The following AGMO variants were observed in gnomAD, a reference collection of about 807,000 sequenced individuals.
AGMO encodes the protein alkylglycerol monooxygenase.
AGMO carries 75 observed loss-of-function variants against 60.2 expected under a neutral mutation model. That is an observed-to-expected ratio of 1.25 (90% CI 1.03 to 1.51). The LOEUF (loss-of-function observed/expected upper bound fraction) is 1.51, where lower values mean the gene tolerates loss of function less well. AGMO is among the 40% of genes most tolerant of loss of function. The pLI, the probability that AGMO is intolerant of heterozygous loss-of-function variation, is 0.00. For missense variants in AGMO, 763 were observed against 525.5 expected, an observed-to-expected ratio of 1.45 and a Z score of -4.42; for synonymous variants, 261 against 177.1, an observed-to-expected ratio of 1.47 and a Z score of -3.76.
At chr7:15,171,224 A>G in the AGMO span, among the ~76,000 whole-genome samples, 2 of 152,006 alleles carry the variant, frequency 1.3e-5, no homozygotes, top group African/African-American at 2.4e-5. Flanking sequence ...CTCGTGATCC[A>G]CCTGCCTCAG....
intron 12 of AGMO, among the ~76,000 whole-genome samples, chr7:15,345,833 C>T (rs1368433499): frequency 6.6e-6 from 1 of 152,126 alleles, no homozygotes; most frequent in Non-Finnish European, 1.5e-5. Context: ...AGTCCTGACC[C>T]TCTATTCCTC....
At chr7:15,417,905 A>G (rs1350508794) in intron 5 of AGMO, among the ~76,000 whole-genome samples, 1 of 152,188 alleles carries the variant, frequency 6.6e-6, no homozygotes, top group Non-Finnish European at 1.5e-5. Flanking sequence ...GAATTTTTCT[A>G]GGTCTGTGAT....
chr7:15,376,670 T>A (rs1248696423), intron 10 of AGMO, among the ~76,000 whole-genome samples: 1 of 152,100 alleles, frequency 6.6e-6, no homozygotes, highest in African/African-American at 2.4e-5. Context: ...AAAAGAAGCA[T>A]TGCCTTTTCA....
At chr7:15,334,558 T>G (rs1490791474) in intron 12 of AGMO, among the ~76,000 whole-genome samples, 1 of 152,130 alleles carries the variant, frequency 6.6e-6, no homozygotes, top group Non-Finnish European at 1.5e-5. Context: ...TACCAAAGGC[T>G]TTGCCCAACT....
chr7:15,334,011 G>A (rs1781576112), intron 12 of AGMO, among the ~76,000 whole-genome samples: 1 of 152,054 alleles, frequency 6.6e-6, no homozygotes, highest in Non-Finnish European at 1.5e-5. Context: ...AACAATGGAA[G>A]AAGTTTATTT....
At chr7:15,371,927 CTAAATAT>C in intron 10 of AGMO, among the ~76,000 whole-genome samples, 1 of 125,362 alleles carries the variant, frequency 8.0e-6, no homozygotes, top group East Asian at 1.9e-4. Context: ...TTAAGTGTTT[CTAAATAT>C]TAAATATTTA....
chr7:15,219,776 G>C (rs958429203), intron 12 of AGMO, among the ~76,000 whole-genome samples: 1 of 152,142 alleles, frequency 6.6e-6, no homozygotes, highest in Non-Finnish European at 1.5e-5. Flanking sequence ...TATGGGGATG[G>C]AGAGAAGAAG....
chr7:15,417,846 C>T (rs1195076194), intron 5 of AGMO, among the ~76,000 whole-genome samples: 1 of 152,132 alleles, frequency 6.6e-6, no homozygotes, highest in Non-Finnish European at 1.5e-5. Context: ...CTTCAAAAGG[C>T]TTCCAATAAA....
At chr7:15,513,489 C>A (rs928970838) in intron 3 of AGMO, among the ~76,000 whole-genome samples, 1 of 151,962 alleles carries the variant, frequency 6.6e-6, no homozygotes. Context: ...GGATTTATAA[C>A]TTTTTGACCC....
intron 12 of AGMO, among the ~76,000 whole-genome samples, chr7:15,325,250 T>TA (rs1363734344): frequency 6.6e-6 from 1 of 152,122 alleles, no homozygotes; most frequent in African/African-American, 2.4e-5. Context: ...ATCGTGACTT[T>TA]ACTTGGAAGG....
At chr7:15,506,021 T>C (rs1783504812) in intron 3 of AGMO, among the ~76,000 whole-genome samples, 1 of 152,026 alleles carries the variant, frequency 6.6e-6, no homozygotes. Flanking sequence ...AATACAATTT[T>C]GATCTCATAA....
At position 15,206,052 on chromosome 7, in the gene AGMO, T is replaced by G. The variant is rs550381651; in HGVS notation, c.1264-4693A>C. Among the ~76,000 whole-genome samples, 183 of 151,952 alleles carry G rather than the reference T, an allele frequency of 1.2e-3. 2 individuals are homozygous for G. The highest frequency in any genetic ancestry group is 5.4e-3 in the South Asian group (26 of 4,822). ...TACACTTTTTAACACAATGTTTTGG[T>G]TTTTTTTGAGATGACCATTGTCAGC... is the stretch of plus-strand genomic sequence containing the variant. On this transcript the variant is annotated intron_variant, in intron 12 of 12. Coordinates refer to ENST00000342526, the MANE Select transcript of AGMO (RefSeq NM_001004320.2).
chr7:15,448,014 G>C (rs1781749778), intron 3 of AGMO, among the ~76,000 whole-genome samples: 1 of 152,098 alleles, frequency 6.6e-6, no homozygotes, highest in South Asian at 2.1e-4. Flanking sequence ...ATTGCTTCGG[G>C]TTACAAATGT....
rs533194254 is a variant in AGMO, at chr7:15,305,419, G to C, written c.1263+60095C>G. The stretch of plus-strand genomic sequence containing the variant: ...TGAGTAAAGTATTTTCCGTGCATCT[G>C]GGTTCACTGGTGAAACATGAATGAT... On this transcript the variant is annotated intron_variant, in intron 12 of 12. Coordinates refer to ENST00000342526, the MANE Select transcript of AGMO (RefSeq NM_001004320.2). Among the ~76,000 whole-genome samples the C allele has an allele frequency of 6.1e-4, 93 of 151,874 alleles. 1 individual carries two copies. The highest frequency in any genetic ancestry group is 1.2e-3 in the Non-Finnish European group (79 of 67,928).
At chr7:15,254,367 T>C (rs1783036164) in intron 12 of AGMO, among the ~76,000 whole-genome samples, 5 of 152,136 alleles carry the variant, frequency 3.3e-5, no homozygotes, top group Admixed American at 3.3e-4. Context: ...AGTATCAGAG[T>C]TCCCCTTTCT....
intron 5 of AGMO, among the ~76,000 whole-genome samples, chr7:15,398,807 T>TA (rs559959852): frequency 6.4e-4 from 97 of 152,280 alleles, no homozygotes; most frequent in African/African-American, 2.2e-3. Flanking sequence ...TCATTATTTT[T>TA]AAAAAACCCA....
rs190079746 is a variant in AGMO at position 15,376,906 on chromosome 7, C to T, written c.1074+8540G>A. ...AAGTTTCAGTAAGAAAGGAATGTGTCTCTTACACCTTTGTCGTGGCCATCA... is the reference window on the plus strand; with the variant it reads ...AAGTTTCAGTAAGAAAGGAATGTGTTTCTTACACCTTTGTCGTGGCCATCA... On this transcript the variant is annotated intron_variant, in intron 10 of 12. Transcript: ENST00000342526. Among the ~76,000 whole-genome samples the T allele has an allele frequency of 2.6e-3, 401 of 152,118 alleles. 5 individuals carry two copies. In the Middle Eastern group the frequency reaches 0.034, roughly 13 times the overall value.
intron 3 of AGMO, among the ~76,000 whole-genome samples, chr7:15,539,673 T>C (rs917302481): frequency 6.6e-6 from 1 of 152,208 alleles, no homozygotes; most frequent in Non-Finnish European, 1.5e-5. Context: ...TGGATTGCTG[T>C]GTTAAATGGT....
At chr7:15,421,969 T>C (rs1261604736) in intron 4 of AGMO, among the ~76,000 whole-genome samples, 1 of 151,926 alleles carries the variant, frequency 6.6e-6, no homozygotes, top group Non-Finnish European at 1.5e-5. Flanking sequence ...ATCTGGTACC[T>C]AGCATCATCA....
Sources: allele counts gnomAD v4.1 joint callset (sites outside exome capture counted in the v4.1 genomes callset), GRCh38; gene constraint gnomAD v4.1.1; transcripts MANE v1.5; gene names NCBI Gene and HGNC (gene_info 2026-07-23, HGNC 2026-07-21).